Variants in ATOSA observed in about 807,000 individuals in gnomAD.
ATOSA encodes the protein atos homolog protein A.
At chr15:52,701,593 T>C in the ATOSA span, among the ~76,000 whole-genome samples, 1 of 152,256 alleles carries the variant, frequency 6.6e-6, no homozygotes, top group African/African-American at 2.4e-5. Flanking sequence ...TGATCAGAAA[T>C]CTAAATGTGA....
At chr15:52,652,527 A>G in the ATOSA span, among the ~76,000 whole-genome samples, 5 of 152,184 alleles carry the variant, frequency 3.3e-5, no homozygotes, top group Admixed American at 1.3e-4. Context: ...TTTACAACAA[A>G]CTTCACAAAT....
At chr15:52,705,596 A>G in the ATOSA span, among the ~76,000 whole-genome samples, 1 of 152,230 alleles carries the variant, frequency 6.6e-6, no homozygotes, top group South Asian at 2.1e-4. Flanking sequence ...TAATTTGTAA[A>G]TGAGGTATAA....
chr15:52,694,321 C>A, the ATOSA span, among the ~76,000 whole-genome samples: 3 of 151,934 alleles, frequency 2.0e-5, no homozygotes, highest in African/African-American at 7.3e-5. Flanking sequence ...CATGCACTAC[C>A]ACATCTGGCT....
At chr15:52,645,453 A>C in the ATOSA span, among the ~76,000 whole-genome samples, 1 of 151,932 alleles carries the variant, frequency 6.6e-6, no homozygotes, top group Admixed American at 6.6e-5. Flanking sequence ...CAAATAAATA[A>C]ATAAATAAAT....
chr15:52,678,393 CAAG>C, the ATOSA span: 30 of 259,498 alleles, frequency 1.2e-4, no homozygotes, highest in Non-Finnish European at 2.0e-4. Context: ...GAGGTACAGG[CAAG>C]AAGAAGAAAA....
the ATOSA span, chr15:52,613,895 G>A: frequency 6.4e-7 from 1 of 1,550,930 alleles, no homozygotes. Flanking sequence ...TCAATTTAAT[G>A]TACTCTTAGT....
chr15:52,602,287 A>G, the ATOSA span, among the ~76,000 whole-genome samples: 1 of 152,126 alleles, frequency 6.6e-6, no homozygotes, highest in African/African-American at 2.4e-5. Context: ...TCAAATCCAC[A>G]TTCTTTCATC....
At chr15:52,640,113 T>G in the ATOSA span, among the ~76,000 whole-genome samples, 12 of 152,096 alleles carry the variant, frequency 7.9e-5, no homozygotes, top group Non-Finnish European at 1.5e-4. Context: ...CAGTAAAAGT[T>G]AAGATACTTG....
At chr15:52,678,428 AC>A in the ATOSA span, 1 of 188,126 alleles carries the variant, frequency 5.3e-6, no homozygotes, top group Non-Finnish European at 1.1e-5. Context: ...ACACAAACTA[AC>A]CCCTTCGTAC....
chr15:52,667,059 T>C, the ATOSA span, among the ~76,000 whole-genome samples: 3 of 152,158 alleles, frequency 2.0e-5, no homozygotes, highest in Non-Finnish European at 2.9e-5. Flanking sequence ...ACAGGACTAA[T>C]ATGGCTAGAC....
chr15:52,633,592 C>T, the ATOSA span, among the ~76,000 whole-genome samples: 30 of 151,844 alleles, frequency 2.0e-4, no homozygotes, highest in Admixed American at 1.2e-3. Context: ...AGAAAGCAAG[C>T]GCCAGAGAAA....
the ATOSA span, among the ~76,000 whole-genome samples, chr15:52,635,703 AT>A: frequency 2.0e-5 from 3 of 152,032 alleles, no homozygotes; most frequent in South Asian, 2.1e-4. Flanking sequence ...CTCAAAAAAA[AT>A]AAATCAAAAT....
the ATOSA span, among the ~76,000 whole-genome samples, chr15:52,591,658 G>C: frequency 6.6e-6 from 1 of 152,118 alleles, no homozygotes; most frequent in Non-Finnish European, 1.5e-5. Context: ...ACAGGCTGTT[G>C]CTATATTCTC....
chr15:52,620,527 G>A, the ATOSA span, among the ~76,000 whole-genome samples: 1 of 152,198 alleles, frequency 6.6e-6, no homozygotes, highest in Admixed American at 6.5e-5. Flanking sequence ...TTGCTAGGCT[G>A]TTATATATGC....
chr15:52,596,763 C>G, the ATOSA span, among the ~76,000 whole-genome samples: 2 of 152,114 alleles, frequency 1.3e-5, no homozygotes, highest in Non-Finnish European at 2.9e-5. Context: ...TGTAAAGAAG[C>G]CTTGGGCTAG....
the ATOSA span, among the ~76,000 whole-genome samples, chr15:52,633,525 G>C: frequency 4.6e-5 from 7 of 152,070 alleles, no homozygotes; most frequent in African/African-American, 1.7e-4. Context: ...AGTGGCAAAA[G>C]AAAGAGAAGG....
the ATOSA span, chr15:52,600,953 T>G: frequency 1.6e-6 from 1 of 629,030 alleles, no homozygotes; most frequent in East Asian, 3.0e-5. Context: ...TAACTGCGTG[T>G]GTACATGGTA....
the ATOSA span, among the ~76,000 whole-genome samples, chr15:52,592,024 T>C: frequency 6.6e-6 from 1 of 152,158 alleles, no homozygotes. Flanking sequence ...TCTTCACCCT[T>C]AGAATGGAGT....
the ATOSA span, among the ~76,000 whole-genome samples, chr15:52,674,396 T>C: frequency 1.1e-4 from 16 of 152,194 alleles, no homozygotes; most frequent in African/African-American, 3.9e-4. Context: ...GTATTCAATA[T>C]ACACACAGGT....
Sources: allele counts gnomAD v4.1 joint callset (sites outside exome capture counted in the v4.1 genomes callset), GRCh38; gene constraint gnomAD v4.1.1; transcripts MANE v1.5; gene names NCBI Gene and HGNC (gene_info 2026-07-23, HGNC 2026-07-21).